The following RBFOX1 variants were observed in gnomAD, a reference collection of about 807,000 sequenced individuals.
RBFOX1 encodes RNA binding protein fox-1 homolog 1.
A neutral mutation model predicts 57.7 loss-of-function variants in RBFOX1; 8 were observed. That is an observed-to-expected ratio of 0.14 (90% confidence interval 0.08 to 0.25). The LOEUF is 0.25. Ranked by LOEUF, RBFOX1 falls within the 10% of genes least tolerant of loss-of-function variation. The pLI is 1.00. For synonymous variants in RBFOX1, 326 were observed against 222.4 expected, an observed-to-expected ratio of 1.47 and a Z score of -4.15; for missense variants, 611 against 548.5, an observed-to-expected ratio of 1.11 and a Z score of -1.14.
chr16:6,555,146 G>C (rs2097074701), intron 2 of RBFOX1, among the ~76,000 whole-genome samples: 1 of 152,146 alleles, frequency 6.6e-6, no homozygotes, highest in Admixed American at 6.5e-5. Flanking sequence ...ATGTCCAGTA[G>C]TGTCTGCATT....
intron 3 of RBFOX1, among the ~76,000 whole-genome samples, chr16:5,669,651 C>G (rs538514101): frequency 6.6e-6 from 1 of 152,240 alleles, no homozygotes; most frequent in East Asian, 1.9e-4. Flanking sequence ...TTCTCCTGAC[C>G]TCATGATCTG....
intron 1 of RBFOX1, among the ~76,000 whole-genome samples, chr16:6,062,198 T>C (rs1383217543): frequency 1.3e-5 from 2 of 152,150 alleles, no homozygotes; most frequent in African/African-American, 4.8e-5. Context: ...GTTAAGAAGC[T>C]CTCTGAACTG....
chr16:6,902,749 A>G (rs577096510), intron 3 of RBFOX1, among the ~76,000 whole-genome samples: 1 of 152,166 alleles, frequency 6.6e-6, no homozygotes, highest in Non-Finnish European at 1.5e-5. Flanking sequence ...GTTTCCATAC[A>G]CATCAAGTTT....
intron 3 of RBFOX1, among the ~76,000 whole-genome samples, chr16:6,769,216 G>T (rs60082947): frequency 0.02 from 3,084 of 152,202 alleles, 112 homozygotes; most frequent in African/African-American, 0.07. Context: ...TTATAAAGGG[G>T]AATTTCCCTG....
chr16:7,457,763 C>T (rs75575471), intron 4 of RBFOX1, among the ~76,000 whole-genome samples: 1 of 152,012 alleles, frequency 6.6e-6, no homozygotes, highest in East Asian at 1.9e-4. Context: ...TGTGTGCAGT[C>T]TGGAAGGTTC....
At chr16:6,696,224 T>C (rs898559718) in intron 3 of RBFOX1, among the ~76,000 whole-genome samples, 12 of 152,238 alleles carry the variant, frequency 7.9e-5, no homozygotes, top group Admixed American at 4.6e-4. Context: ...AATTGAGGTA[T>C]ACAATATCTG....
chr16:6,622,881 C>T (rs996886396), intron 2 of RBFOX1, among the ~76,000 whole-genome samples: 1 of 152,322 alleles, frequency 6.6e-6, no homozygotes, highest in South Asian at 2.1e-4. Flanking sequence ...ACATGTTGTT[C>T]TGCCAAGTTG....
intron 2 of RBFOX1, among the ~76,000 whole-genome samples, chr16:6,587,620 G>A (rs1429115922): frequency 6.6e-6 from 1 of 152,144 alleles, no homozygotes; most frequent in Non-Finnish European, 1.5e-5. Flanking sequence ...AATGCTAGAA[G>A]AAGCTAGACC....
intron 2 of RBFOX1, among the ~76,000 whole-genome samples, chr16:6,371,292 C>T (rs896178773): frequency 3.9e-5 from 6 of 152,138 alleles, no homozygotes; most frequent in Non-Finnish European, 8.8e-5. Flanking sequence ...ATGATTATTA[C>T]GGCTATCAAA....
intron 3 of RBFOX1, among the ~76,000 whole-genome samples, chr16:6,772,942 GTATC>G (rs761274999): frequency 2.1e-4 from 31 of 146,566 alleles, no homozygotes; most frequent in Admixed American, 7.5e-4. Context: ...GTGTGTGTGT[GTATC>G]TATATATTTG....
chr16:7,510,222 T>C (rs560030805), intron 4 of RBFOX1: 391 of 985,878 alleles, frequency 4.0e-4, no homozygotes, highest in Admixed American at 3.4e-3. Flanking sequence ...TCGCTCGTAA[T>C]TGAGGCGTGC....
intron 2 of RBFOX1, among the ~76,000 whole-genome samples, chr16:6,584,785 A>C (rs943426119): frequency 1.6e-4 from 25 of 152,152 alleles, no homozygotes; most frequent in African/African-American, 5.8e-4. Context: ...CCTGGCACCG[A>C]TCACTGAAGG....
At chr16:7,217,893 CGTATGTGTGTGCATGT>C (rs1015074387) in intron 4 of RBFOX1, among the ~76,000 whole-genome samples, 5 of 131,222 alleles carry the variant, frequency 3.8e-5, no homozygotes, top group African/African-American at 1.4e-4. Context: ...TGTGTGCATG[CGTATGTGTGTGCATGT>C]GTGTGTGTGA....
At chr16:6,701,600 G>A (rs1013812619) in intron 3 of RBFOX1, among the ~76,000 whole-genome samples, 30 of 152,226 alleles carry the variant, frequency 2.0e-4, no homozygotes, top group Middle Eastern at 6.8e-3. Flanking sequence ...TGGTGAGAGA[G>A]GAGGAGGTGC....
At chr16:7,048,803 A>G (rs1031570613) in intron 3 of RBFOX1, among the ~76,000 whole-genome samples, 2 of 152,116 alleles carry the variant, frequency 1.3e-5, no homozygotes, top group Admixed American at 6.5e-5. Context: ...TTCTGGGTAT[A>G]TTGAATATTG....
chr16:6,109,611 C>T (rs1028513008), intron 1 of RBFOX1, among the ~76,000 whole-genome samples: 7 of 152,042 alleles, frequency 4.6e-5, no homozygotes, highest in African/African-American at 1.7e-4. Flanking sequence ...TTTGCAGTCA[C>T]GATTGCCTGG....
chr16:7,585,705 G>C (rs2094076644), intron 6 of RBFOX1, among the ~76,000 whole-genome samples: 1 of 152,104 alleles, frequency 6.6e-6, no homozygotes, highest in African/African-American at 2.4e-5. Context: ...ATATACATTT[G>C]TTTCTACTGT....
chr16:7,412,984 G>A (rs1411460663), intron 4 of RBFOX1, among the ~76,000 whole-genome samples: 2 of 152,192 alleles, frequency 1.3e-5, no homozygotes, highest in South Asian at 2.1e-4. Context: ...GGAGCTTGCA[G>A]TGAGCCAAGA....
chr16:7,030,899 C>T (rs1053100338), intron 3 of RBFOX1, among the ~76,000 whole-genome samples: 4 of 152,196 alleles, frequency 2.6e-5, no homozygotes, highest in Non-Finnish European at 5.9e-5. Flanking sequence ...GAATCCAATC[C>T]TTGTCATTTG....
Sources: gnomAD v4.1 joint callset for allele counts (sites outside exome capture counted in the v4.1 genomes callset) on GRCh38, gnomAD v4.1.1 for gene constraint, MANE v1.5 for transcripts, NCBI Gene and HGNC (gene_info 2026-07-23, HGNC 2026-07-21) for gene names.